SAMD9: variants seen among roughly 807,000 people sequenced by gnomAD.
SAMD9 encodes the protein sterile alpha motif domain containing 9.
In SAMD9, 3 loss-of-function variants were observed where a neutral mutation model predicts 1.5. The ratio of observed to expected loss-of-function variants is 2.05; its 90% confidence interval spans 0.93 to 5.29. SAMD9 has a LOEUF of 5.29. SAMD9 is among the 30% of genes most tolerant of loss of function. The pLI is 0.02. For missense variants in SAMD9, 1,597 were observed against 1,820.8 expected (o/e 0.88, Z 2.24); for synonymous variants, 635 against 631.9 (o/e 1.00, Z -0.07).
rs769555827 is a variant in SAMD9, at chr7:93,102,293, C to T, written c.3805G>A (p.Asp1269Asn). The T allele has an allele frequency of 1.9e-6, 3 of 1,611,758 alleles. No individual in the cohort carries two copies. In the African/African-American group the frequency reaches 4.0e-5, roughly 22 times the overall value. ...KLKFSLKKSF[D>N]FFDEYFVLLK... is the part of the protein sequence containing the mutation. ...AGGACAAAGTATTCATCAAAAAAAT[C>T]AAAGGACTTTTTCAAAGAAAATTTC... The change falls in exon 3 of 3, where the codon GAT becomes AAT. Residue 1269 changes from aspartate (D) to asparagine (N), a missense_variant. Physicochemically the swap from Asp to Asn is conservative, Grantham distance 23. Around this residue, in one of 6 missense-constraint regions of SAMD9, gnomAD observed 682 missense variants for 810.0 expected, o/e 0.84. Transcript: ENST00000379958.
Position 93,102,342 on chromosome 7 carries a change from GT to G in SAMD9, c.3755del (p.Asn1252ThrfsTer6). On this transcript the variant is annotated frameshift_variant, in exon 3 of 3. Coordinates refer to ENST00000379958, the MANE Select transcript of SAMD9 (RefSeq NM_017654.4). LOFTEE classifies it low-confidence loss of function (END_TRUNC). ...TCAATTTAGTTAAATAAGGAATATA[GT>G]TTTTGAGGGCTAATTTATATTCATT... Reference protein sequence around the residue: ...PNNEYKLALKNYIPYLTKLKF... With the variant: ...PNNEYKLALKXYIPYLTKLKF... The G allele has an allele frequency of 6.2e-7, 1 of 1,608,488 alleles. No individual in the cohort carries two copies. The highest frequency in any genetic ancestry group is 8.5e-7 in the Non-Finnish European group (1 of 1,175,492).
Position 93,105,379 on chromosome 7 carries a change from T to C in SAMD9, c.719A>G (p.Lys240Arg). The change falls in exon 3 of 3, where the codon AAA (lysine) becomes AGA (arginine). Residue 240 changes from lysine (K) to arginine (R), a missense_variant. Physicochemically the swap from Lys to Arg is conservative, Grantham distance 26 (BLOSUM62 2). Transcript: ENST00000379958. ...RTNGTIHFGV[K>R]DKPHGKIVGI... ...AACAATTTTCCCATGGGGTTTGTCT[T>C]TGACTCCAAAATGAATAGTGCCATT... 1.9e-6 allele frequency: 3 copies of C among 1,614,012 alleles called. No homozygotes were observed. The highest frequency in any genetic ancestry group is 2.5e-6 in the Non-Finnish European group (3 of 1,179,978).
intron 2 of SAMD9, among the ~76,000 whole-genome samples, chr7:93,113,067 C>T (rs1235971827): frequency 6.6e-6 from 1 of 152,152 alleles, no homozygotes; most frequent in Non-Finnish European, 1.5e-5. Flanking sequence ...TACAAGGCTA[C>T]AGTAACCAAA....
chr7:93,114,941 C>T (rs1472202999), intron 1 of SAMD9, 46 bp from the exon 2 acceptor site: 1 of 152,098 alleles, frequency 6.6e-6, no homozygotes, highest in Non-Finnish European at 1.5e-5. Flanking sequence ...ACAAAGTCAT[C>T]AATAGACCAG....
intron 1 of SAMD9, among the ~76,000 whole-genome samples, chr7:93,115,162 A>C (rs1322734697): frequency 6.6e-6 from 1 of 152,244 alleles, no homozygotes; most frequent in African/African-American, 2.4e-5. Flanking sequence ...ATGGAAATGC[A>C]AAGTAAAATT....
chr7:93,116,041 G>A (rs1791826931), intron 1 of SAMD9, among the ~76,000 whole-genome samples: 1 of 152,114 alleles, frequency 6.6e-6, no homozygotes, highest in Non-Finnish European at 1.5e-5. Context: ...ACATAAAGCA[G>A]GGGTCCCCGA....
intron 1 of SAMD9, among the ~76,000 whole-genome samples, chr7:93,115,724 T>C (rs1791822423): frequency 6.6e-6 from 1 of 152,134 alleles, no homozygotes; most frequent in Admixed American, 6.5e-5. Context: ...ATGAATAAAA[T>C]AAAAGAGATA....
At position 93,102,847 on chromosome 7, in the gene SAMD9, A is replaced by T. The variant is rs1320721453; in HGVS notation, c.3251T>A (p.Ile1084Asn). The T allele has an allele frequency of 1.9e-6, 3 of 1,613,744 alleles. No homozygotes were observed. ...SIHRFNPNAF[I>N]CQALARHFYI... ...GAAATGTCTTGCCAACGCTTGGCAA[A>T]TGAATGCATTTGGGTTGAACCGATG... Residue 1084 changes from isoleucine to asparagine, a missense_variant, in exon 3 of 3, where the codon ATT becomes AAT. Ile to Asn is a moderately radical substitution (Grantham distance 149). Around this residue, in one of 6 missense-constraint regions of SAMD9, gnomAD observed 682 missense variants for 810.0 expected, o/e 0.84. Transcript: ENST00000379958.
rs1444597997 is a variant in SAMD9 at position 93,105,061 on chromosome 7, C to T, written c.1037G>A (p.Gly346Glu). The part of the protein sequence containing the change: ...SKKFSLFVRD[G>E]TSSKDITKNK... Reference sequence around the variant, plus strand: ...TTTCGTAATGTCCTTAGAGCTGGTCCCATCTCGCACAAATAGTGAGAATTT... The same window carrying T: ...TTTCGTAATGTCCTTAGAGCTGGTCTCATCTCGCACAAATAGTGAGAATTT... Residue 346 changes from glycine (G) to glutamate (E), a missense_variant, in exon 3 of 3, where the codon GGG (glycine) becomes GAG (glutamate). Around this residue, in one of 6 missense-constraint regions of SAMD9, gnomAD observed 498 missense variants for 457.4 expected, o/e 1.09. Transcript: ENST00000379958. 6 of 1,613,896 alleles carry T rather than the reference C, an allele frequency of 3.7e-6. No individual in the cohort carries two copies. Among genetic ancestry groups the T allele is most frequent in the Non-Finnish European group, 4.2e-6 (5 of 1,179,950 alleles).
At chr7:93,109,073 T>C (rs547605787) in intron 2 of SAMD9, among the ~76,000 whole-genome samples, 2 of 152,202 alleles carry the variant, frequency 1.3e-5, no homozygotes, top group South Asian at 4.2e-4. Context: ...CGACACCTCA[T>C]ACAGCCAGGT....
Position 93,100,411 on chromosome 7 carries a change from T to C in SAMD9, c.*917A>G, listed in dbSNP as rs1791507844. ...ATTTGGGACAGTTTGATAAATCCAT[T>C]AGAAATTTTTGTTTTTTAATCAGCT... On this transcript the variant is annotated 3_prime_UTR_variant, in exon 3 of 3. Transcript: ENST00000379958. 2.0e-5 allele frequency: 3 copies of C among 152,202 alleles called. No individual in the cohort carries two copies. The South Asian group carries it at 6.2e-4, about 31-fold the overall frequency. 9.4% of individuals were successfully genotyped at this position (152,202 alleles called of 1,614,324 possible). A position where few individuals can be genotyped will look rare whatever the true frequency, so the allele number is the denominator to read the frequency against.
Position 93,104,488 on chromosome 7 carries a change from C to T in SAMD9, c.1610G>A (p.Gly537Glu). ...FLTHEDIMPR[G>E]KFLVVFLLLS... ...TAATAGAAATACCACCAAAAACTTC[C>T]CTCTTGGCATTATGTCTTCATGTGT... The change falls in exon 3 of 3, where the codon GGG (glycine) becomes GAG (glutamate). Residue 537 changes from glycine to glutamate, a missense_variant. Around this residue, in one of 6 missense-constraint regions of SAMD9, gnomAD observed 358 missense variants for 460.4 expected, o/e 0.78. Transcript: ENST00000379958. 1 of 1,613,986 alleles carries T rather than the reference C, an allele frequency of 6.2e-7. No individual in the cohort carries two copies. Among genetic ancestry groups the T allele is most frequent in the Non-Finnish European group, 8.5e-7 (1 of 1,179,902 alleles).
intron 2 of SAMD9, among the ~76,000 whole-genome samples, chr7:93,111,672 A>G (rs1163038331): frequency 6.6e-6 from 1 of 152,244 alleles, no homozygotes; most frequent in South Asian, 2.1e-4. Context: ...AGAGAATACT[A>G]TAAACACCTC....
chr7:93,103,899 A>G lies in SAMD9; in HGVS notation c.2199T>C (p.Ile733=), dbSNP rs1341730374. The G allele has an allele frequency of 1.9e-6, 3 of 1,614,016 alleles. No homozygotes were observed. Among genetic ancestry groups the G allele is most frequent in the Non-Finnish European group, 2.5e-6 (3 of 1,179,880 alleles). Residue 733 remains isoleucine (I), a synonymous_variant, in exon 3 of 3, where the codon ATT becomes ATC. Transcript: ENST00000379958. ...DSSKPTSTKI[I]HLYHHPGCGG... is the part of the protein sequence containing the mutation. ...CACAGCCTGGATGATGATACAGATG[A>G]ATAATTTTGGTACTTGTTGGTTTAG...
Position 93,104,162 on chromosome 7 carries a change from C to A in SAMD9, c.1936G>T (p.Glu646Ter). 6.2e-7 allele frequency: 1 copy of A among 1,613,924 alleles called. No homozygotes were observed. Among genetic ancestry groups the A allele is most frequent in the Non-Finnish European group, 8.5e-7 (1 of 1,179,876 alleles). Residue 646 changes from glutamate (E) to a stop codon, truncating the protein, a stop_gained, in exon 3 of 3, where the codon GAA (glutamate) becomes TAA (stop). Transcript: ENST00000379958. LOFTEE classifies it low-confidence loss of function (END_TRUNC). ...ATTTCCAGAGCAGTCATGATATCTT[C>A]TTCCTTTTTCAGAAGGACAGTCGAT... ...GLSTVLLKKE[E>*]DIMTALEIIC... is the part of the protein sequence containing the mutation.
In SAMD9 at chr7:93,114,849, A is replaced by G. The variant is rs1449676486; in HGVS notation, c.-63T>C. The G allele has an allele frequency of 1.3e-5, 2 of 152,216 alleles. No homozygotes were observed. The highest frequency in any genetic ancestry group is 4.8e-5 in the African/African-American group (2 of 41,448). 9.4% of individuals were successfully genotyped at this position (152,216 alleles called of 1,614,324 possible). A position where few individuals can be genotyped will look rare whatever the true frequency, so the allele number is the denominator to read the frequency against. ...TCTCACTTCCAGGGTGATGTAGGAG[A>G]TCACAAAAGGCCACCTATTCACCCA... On this transcript the variant is annotated 5_prime_UTR_variant, in exon 2 of 3. Transcript: ENST00000379958.
chr7:93,101,040 C>T lies in SAMD9; in HGVS notation c.*288G>A, dbSNP rs1012791481. The T allele has an allele frequency of 1.9e-5, 8 of 420,712 alleles. No individual in the cohort carries two copies. The highest frequency in any genetic ancestry group is 1.4e-4 in the African/African-American group (7 of 49,618). 26.1% of individuals were successfully genotyped at this position (420,712 alleles called of 1,614,324 possible). Reference sequence around the variant, plus strand: ...GGGGTTCTGTGTAGCCAGCTTATTACACTAACTTCTCCTGACTCCAGTCAT... The same window carrying T: ...GGGGTTCTGTGTAGCCAGCTTATTATACTAACTTCTCCTGACTCCAGTCAT... On this transcript the variant is annotated 3_prime_UTR_variant, in exon 3 of 3. Transcript: ENST00000379958.
rs1173587083 is a variant in SAMD9, at chr7:93,103,314, C to T, written c.2784G>A (p.Val928=). The T allele has an allele frequency of 1.2e-6, 2 of 1,613,444 alleles. No individual in the cohort carries two copies. Among genetic ancestry groups the T allele is most frequent in the Admixed American group, 3.3e-5 (2 of 59,858 alleles). ...GTGATAGTGAAATGGTGGTATCAGG[C>T]ACATATGAATTAAGAAGAGCCAGAA... ...FSFLALLNSY[V]PDTTISLSQC... is the part of the protein sequence containing the mutation. Residue 928 remains valine (V), a synonymous_variant, in exon 3 of 3, where the codon GTG becomes GTA. Coordinates refer to ENST00000379958, the MANE Select transcript of SAMD9 (RefSeq NM_017654.4).
chr7:93,115,063 C>T lies in SAMD9; in HGVS notation c.-109-168G>A, dbSNP rs59001408. On this transcript the variant is annotated intron_variant, in intron 1 of 2. Coordinates refer to ENST00000379958, the MANE Select transcript of SAMD9 (RefSeq NM_017654.4). ...GGTTTAAGGATTAGACTTGGCCTAC[C>T]GGGAGGAGGAAAACCAGTGGGGATT... Among the ~76,000 whole-genome samples the T allele has an allele frequency of 0.079, 12,035 of 152,130 alleles. 556 individuals are homozygous for T. The highest frequency in any genetic ancestry group is 0.2 in the South Asian group (959 of 4,816).
Sources: gnomAD v4.1 joint callset for allele counts (sites outside exome capture counted in the v4.1 genomes callset) on GRCh38, gnomAD v4.1.1 for gene constraint, gnomAD v4.1.1 regional missense constraint, MANE v1.5 for transcripts, NCBI Gene and HGNC (gene_info 2026-07-23, HGNC 2026-07-21) for gene names.